Variants in SCAPER observed in about 807,000 individuals in gnomAD.
SCAPER encodes the protein S-phase cyclin A associated protein in the ER, also known as S phase cyclin A-associated protein in the endoplasmic reticulum.
A neutral mutation model predicts 182.2 loss-of-function variants in SCAPER; 98 were observed. The observed-to-expected ratio is 0.54, with a 90% confidence interval of 0.46 to 0.64. The LOEUF is 0.64. Ranked by LOEUF, SCAPER falls within the 30% of genes least tolerant of loss-of-function variation. The pLI is 0.00. For missense variants in SCAPER, 1,432 were observed against 1,690.0 expected, an observed-to-expected ratio of 0.85 and a Z score of 2.68; for synonymous variants, 605 against 564.6, an observed-to-expected ratio of 1.07 and a Z score of -1.01.
intron 23 of SCAPER, among the ~76,000 whole-genome samples, chr15:76,556,910 T>C (rs1178327758): frequency 6.6e-6 from 1 of 152,088 alleles, no homozygotes; most frequent in Admixed American, 6.5e-5. Flanking sequence ...CAAGGAAGTG[T>C]CAGGATAAAA....
intron 27 of SCAPER, among the ~76,000 whole-genome samples, chr15:76,395,526 T>C (rs1222587283): frequency 1.3e-5 from 2 of 152,232 alleles, no homozygotes; most frequent in African/African-American, 2.4e-5. Flanking sequence ...GAATGTCTTT[T>C]AGATAAAAGA....
chr15:76,603,009 G>C (rs2050038221), intron 22 of SCAPER, among the ~76,000 whole-genome samples: 2 of 84,014 alleles, frequency 2.4e-5, no homozygotes, highest in South Asian at 7.1e-4. Context: ...ATCCTCAATA[G>C]TTTTTATTTT....
intron 15 of SCAPER, among the ~76,000 whole-genome samples, chr15:76,744,206 T>C (rs1037802760): frequency 7.2e-5 from 11 of 152,102 alleles, no homozygotes; most frequent in African/African-American, 2.7e-4. Context: ...ACCTAGGAAA[T>C]ACCCTTCTTG....
At chr15:76,458,296 AAG>A (rs756803915) in intron 25 of SCAPER, among the ~76,000 whole-genome samples, 5 of 151,942 alleles carry the variant, frequency 3.3e-5, no homozygotes, top group African/African-American at 7.3e-5. Context: ...TATAAAGGGA[AAG>A]AGAGAGAGAA....
At chr15:76,694,069 C>A (rs563653523) in intron 20 of SCAPER, among the ~76,000 whole-genome samples, 1 of 151,226 alleles carries the variant, frequency 6.6e-6, no homozygotes, top group South Asian at 2.1e-4. Context: ...TGTGGCTACT[C>A]AGGTTTTTTT....
At chr15:76,607,217 G>A (rs1370813557) in intron 22 of SCAPER, among the ~76,000 whole-genome samples, 2 of 152,168 alleles carry the variant, frequency 1.3e-5, no homozygotes, top group African/African-American at 2.4e-5. Flanking sequence ...GCCTGGTGGT[G>A]ACAAAATCTC....
At chr15:76,606,009 T>C (rs1329262349) in intron 22 of SCAPER, among the ~76,000 whole-genome samples, 2 of 152,208 alleles carry the variant, frequency 1.3e-5, no homozygotes, top group Non-Finnish European at 2.9e-5. Flanking sequence ...GTTTTTTGTG[T>C]CTCTATTTCC....
chr15:76,790,697 T>C (rs1238089480), intron 8 of SCAPER, among the ~76,000 whole-genome samples: 2 of 152,152 alleles, frequency 1.3e-5, no homozygotes, highest in Non-Finnish European at 2.9e-5. Context: ...TGTATAACAA[T>C]CACTTCTTGG....
At chr15:76,654,975 C>G (rs1044418826) in intron 21 of SCAPER, among the ~76,000 whole-genome samples, 1 of 152,192 alleles carries the variant, frequency 6.6e-6, no homozygotes, top group Non-Finnish European at 1.5e-5. Context: ...GCAAGAACTA[C>G]GGTATCTCAA....
At position 76,493,651 on chromosome 15, in the gene SCAPER, AT is replaced by A. The variant is rs377380567; in HGVS notation, c.2954+11207del. Reference sequence around the variant, plus strand: ...ATTTGTTAATAACAAGACGACTATGATTAGTAAGTCTGTAGATATGTTCTTA... The same window carrying A: ...ATTTGTTAATAACAAGACGACTATGATAGTAAGTCTGTAGATATGTTCTTA... On this transcript the variant is annotated intron_variant, in intron 24 of 31. Transcript: ENST00000563290. 2.0e-3 allele frequency among the ~76,000 whole-genome samples: 299 copies of A among 152,344 alleles called. 1 individual carries two copies. Among genetic ancestry groups the A allele is most frequent in the African/African-American group, 6.8e-3 (283 of 41,588 alleles).
At chr15:76,784,316 A>G (rs544173073) in intron 8 of SCAPER, among the ~76,000 whole-genome samples, 1 of 152,104 alleles carries the variant, frequency 6.6e-6, no homozygotes, top group Non-Finnish European at 1.5e-5. Flanking sequence ...TACCTAGGAA[A>G]CCAACTTACA....
At chr15:76,418,186 C>G (rs1485557488) in intron 26 of SCAPER, among the ~76,000 whole-genome samples, 1 of 152,108 alleles carries the variant, frequency 6.6e-6, no homozygotes, top group East Asian at 1.9e-4. Context: ...TTGGATAATA[C>G]TAGAGGGGCA....
At chr15:76,559,201 ATTTTTTTTTTTTT>A (rs58642207) in intron 23 of SCAPER, among the ~76,000 whole-genome samples, 2 of 121,826 alleles carry the variant, frequency 1.6e-5, no homozygotes, top group African/African-American at 7.5e-5. Context: ...CACCCAGCTA[ATTTTTTTTTTTTT>A]TTTTTTTTTT....
chr15:76,561,715 A>G (rs1458646489), intron 23 of SCAPER, among the ~76,000 whole-genome samples: 1 of 148,892 alleles, frequency 6.7e-6, no homozygotes. Flanking sequence ...TCTCTACCTC[A>G]CTTTTTTTTT....
intron 1 of SCAPER, among the ~76,000 whole-genome samples, chr15:76,890,522 A>G (rs991275316): frequency 7.2e-5 from 11 of 152,236 alleles, no homozygotes; most frequent in African/African-American, 2.7e-4. Context: ...AACTACCATC[A>G]GAGAATACTA....
At position 76,727,082 on chromosome 15, in the gene SCAPER, T is replaced by C. The variant is rs201957985; in HGVS notation, c.2165+1513A>G. On this transcript the variant is annotated intron_variant, in intron 17 of 31. Coordinates refer to ENST00000563290, the MANE Select transcript of SCAPER (RefSeq NM_020843.4). ...AAAAAATTTCTACTTGGCTTGAACA[T>C]GTAAGTTTGATGAAAGGATATAAAG... Among the ~76,000 whole-genome samples, 590 of 152,128 alleles carry C rather than the reference T, an allele frequency of 3.9e-3. 6 individuals are homozygous for C. The highest frequency in any genetic ancestry group is 0.014 in the African/African-American group (562 of 41,556).
At chr15:76,738,580 T>C (rs1337257182) in intron 15 of SCAPER, among the ~76,000 whole-genome samples, 1 of 150,370 alleles carries the variant, frequency 6.7e-6, no homozygotes, top group Non-Finnish European at 1.5e-5. Context: ...TGTATGGTTA[T>C]CGATTAATAA....
At chr15:76,781,733 T>C (rs1250620632) in intron 8 of SCAPER, among the ~76,000 whole-genome samples, 1 of 152,146 alleles carries the variant, frequency 6.6e-6, no homozygotes, top group African/African-American at 2.4e-5. Context: ...GGGGCCAATA[T>C]TCAACATTAT....
intron 17 of SCAPER, among the ~76,000 whole-genome samples, chr15:76,715,214 C>T (rs1222737601): frequency 6.6e-6 from 1 of 151,746 alleles, no homozygotes; most frequent in African/African-American, 2.4e-5. Context: ...GACAGCACCT[C>T]ACACTTCCAG....
Sources: gnomAD v4.1 joint callset for allele counts (sites outside exome capture counted in the v4.1 genomes callset) on GRCh38, gnomAD v4.1.1 for gene constraint, MANE v1.5 for transcripts, NCBI Gene and HGNC (gene_info 2026-07-23, HGNC 2026-07-21) for gene names.